Variants in CDH12 observed in about 807,000 individuals in gnomAD.
CDH12 encodes the protein cadherin-12.
A neutral mutation model predicts 74.1 loss-of-function variants in CDH12; 41 were observed. That is an observed-to-expected ratio of 0.55 (90% CI 0.43 to 0.72). The LOEUF (loss-of-function observed/expected upper bound fraction) is 0.72. CDH12 is among the 30% of genes least tolerant of loss of function. CDH12 has a pLI of 0.00. For synonymous variants in CDH12, 399 were observed against 355.0 expected, an observed-to-expected ratio of 1.12 and a Z score of -1.39; for missense variants, 945 against 977.2, an observed-to-expected ratio of 0.97 and a Z score of 0.44.
intron 5 of CDH12, among the ~76,000 whole-genome samples, chr5:22,041,781 C>A (rs1454047616): frequency 1.2e-4 from 18 of 152,058 alleles, no homozygotes; most frequent in Non-Finnish European, 5.9e-5. Flanking sequence ...GGAAATACTG[C>A]AATTCAACTG....
intron 5 of CDH12, among the ~76,000 whole-genome samples, chr5:21,977,177 T>C (rs1483500896): frequency 6.6e-6 from 1 of 152,014 alleles, no homozygotes; most frequent in Non-Finnish European, 1.5e-5. Flanking sequence ...GGGAACAAGA[T>C]TTTGATGTTT....
rs75874015 is a variant in CDH12, at chr5:22,042,139, C to G, written c.231+36307G>C. On this transcript the variant is annotated intron_variant, in intron 5 of 14. Transcript: ENST00000382254. ...TGGAACGACAATATACCAAAACTTA[C>G]AGGAAACATCAAAAGCAGGATTCAG... is the stretch of plus-strand genomic sequence containing the variant. 4.0e-3 allele frequency among the ~76,000 whole-genome samples: 604 copies of G among 151,854 alleles called. 2 individuals carry two copies. The highest frequency in any genetic ancestry group is 0.013 in the African/African-American group (557 of 41,426).
intron 3 of CDH12, among the ~76,000 whole-genome samples, chr5:22,381,584 T>A (rs1741760553): frequency 6.6e-6 from 1 of 151,978 alleles, no homozygotes; most frequent in Non-Finnish European, 1.5e-5. Flanking sequence ...ATGGTGGGTG[T>A]CCTGAATAAT....
In CDH12 at chr5:22,286,135, A is replaced by G. The variant is rs570746992; in HGVS notation, c.-332-73492T>C. Among the ~76,000 whole-genome samples, 46 of 152,274 alleles carry G rather than the reference A, an allele frequency of 3.0e-4. No individual in the cohort carries two copies. In the South Asian group the frequency reaches 9.1e-3, roughly 30 times the overall value. On this transcript the variant is annotated intron_variant, in intron 3 of 14. Coordinates refer to ENST00000382254, the MANE Select transcript of CDH12 (RefSeq NM_004061.5). ...GAGATTTGTTACAGCATTTCATCTC[A>G]TGCATTATTTCCCAATTTCTGCAGA...
intron 1 of CDH12, among the ~76,000 whole-genome samples, chr5:22,599,616 G>T (rs995556178): frequency 6.6e-6 from 1 of 151,832 alleles, no homozygotes; most frequent in African/African-American, 2.4e-5. Context: ...TAAATACTAT[G>T]AAAATGTATC....
At chr5:22,576,188 G>A (rs1421229059) in intron 1 of CDH12, among the ~76,000 whole-genome samples, 1 of 152,168 alleles carries the variant, frequency 6.6e-6, no homozygotes, top group African/African-American at 2.4e-5. Flanking sequence ...TTCATTCAGT[G>A]CTGATATCTG....
intron 2 of CDH12, among the ~76,000 whole-genome samples, chr5:22,477,380 A>G (rs1746209685): frequency 6.6e-6 from 1 of 152,092 alleles, no homozygotes; most frequent in South Asian, 2.1e-4. Flanking sequence ...AGATAATGGC[A>G]TCTAGCTCCA....
chr5:22,179,896 T>A (rs1749542869), intron 4 of CDH12, among the ~76,000 whole-genome samples: 1 of 151,862 alleles, frequency 6.6e-6, no homozygotes, highest in Non-Finnish European at 1.5e-5. Context: ...CCAAACAGAG[T>A]GGTATTACCA....
At chr5:22,765,941 G>T (rs1406905573) in intron 1 of CDH12, among the ~76,000 whole-genome samples, 3 of 151,762 alleles carry the variant, frequency 2.0e-5, no homozygotes, top group Non-Finnish European at 4.4e-5. Flanking sequence ...AAATGAAATG[G>T]TTAATGAAGT....
At chr5:22,448,035 C>T (rs1044990841) in intron 2 of CDH12, among the ~76,000 whole-genome samples, 32 of 142,864 alleles carry the variant, frequency 2.2e-4, no homozygotes, top group African/African-American at 7.8e-4. Context: ...ACCTGTAAAC[C>T]CAGCTACTCA....
In CDH12 at chr5:22,819,956, TATACACATATATATAC is replaced by T. The variant is rs1376934816; in HGVS notation, c.-523+33086_-523+33101del. 2.9e-3 allele frequency among the ~76,000 whole-genome samples: 419 copies of T among 143,970 alleles called. 3 individuals carry two copies. Among genetic ancestry groups the T allele is most frequent in the African/African-American group, 0.011 (406 of 38,288 alleles). The allele number at this position is 143,970 out of a possible 152,430, so 94.4% of individuals were successfully genotyped here. A position where few individuals can be genotyped will look rare whatever the true frequency, so the allele number is the denominator to read the frequency against. ...GTGTGTGTATGTATGTGTGTATATATATACACATATATATACATATACATATATATACATATACATA... is the reference window on the plus strand; with the variant it reads ...GTGTGTGTATGTATGTGTGTATATATATATACATATATATACATATACATA... On this transcript the variant is annotated intron_variant, in intron 1 of 14. Coordinates refer to ENST00000382254, the MANE Select transcript of CDH12 (RefSeq NM_004061.5).
chr5:22,009,454 GA>G (rs1035693913), intron 5 of CDH12, among the ~76,000 whole-genome samples: 3 of 152,052 alleles, frequency 2.0e-5, no homozygotes, highest in Admixed American at 2.0e-4. Flanking sequence ...ATCCTTCACA[GA>G]AATTTCCCCC....
intron 1 of CDH12, among the ~76,000 whole-genome samples, chr5:22,507,689 T>G (rs1435792675): frequency 1.3e-5 from 2 of 152,246 alleles, no homozygotes. Flanking sequence ...TTGGTTAGAA[T>G]GTAATAACAT....
intron 6 of CDH12, among the ~76,000 whole-genome samples, chr5:21,960,309 T>A (rs1756298870): frequency 1.3e-5 from 2 of 152,170 alleles, no homozygotes; most frequent in African/African-American, 4.8e-5. Flanking sequence ...GGTCCATATG[T>A]AAGTCTTTTG....
At chr5:22,422,591 T>C (rs1293094423) in intron 2 of CDH12, among the ~76,000 whole-genome samples, 1 of 152,176 alleles carries the variant, frequency 6.6e-6, no homozygotes. Flanking sequence ...ATAACACTTG[T>C]ATAATATTAC....
chr5:22,728,750 G>A (rs1397351844), intron 1 of CDH12, among the ~76,000 whole-genome samples: 3 of 151,736 alleles, frequency 2.0e-5, no homozygotes, highest in Non-Finnish European at 4.4e-5. Context: ...GTGTTCTCAC[G>A]TGGCGGAGAG....
At chr5:22,280,600 T>C (rs910474954) in intron 3 of CDH12, among the ~76,000 whole-genome samples, 2 of 152,098 alleles carry the variant, frequency 1.3e-5, no homozygotes, top group African/African-American at 2.4e-5. Context: ...AACACCTCTA[T>C]GCAAATAAAC....
chr5:22,305,595 A>T (rs1052051543), intron 3 of CDH12, among the ~76,000 whole-genome samples: 2 of 152,098 alleles, frequency 1.3e-5, no homozygotes, highest in Non-Finnish European at 2.9e-5. Context: ...CTCTATGATC[A>T]GTCACTGAAT....
chr5:22,062,648 T>C (rs1189064185), intron 5 of CDH12, among the ~76,000 whole-genome samples: 1 of 152,154 alleles, frequency 6.6e-6, no homozygotes, highest in Non-Finnish European at 1.5e-5. Flanking sequence ...TTTAGGACAC[T>C]TGAATACACT....
Sources: gnomAD v4.1 joint callset for allele counts (sites outside exome capture counted in the v4.1 genomes callset) on GRCh38, gnomAD v4.1.1 for gene constraint, MANE v1.5 for transcripts, NCBI Gene and HGNC (gene_info 2026-07-23, HGNC 2026-07-21) for gene names.